The following DLGAP1 variants were observed in gnomAD, a reference collection of about 807,000 sequenced individuals.
DLGAP1 encodes DLG associated protein 1.
In DLGAP1, 11 loss-of-function variants were observed where a neutral mutation model predicts 90.8. That is an observed-to-expected ratio of 0.12 (90% CI 0.08 to 0.20). DLGAP1 has a LOEUF of 0.20. Ranked by LOEUF, DLGAP1 falls within the 10% of genes least tolerant of loss-of-function variation. The pLI, the probability that DLGAP1 is intolerant of heterozygous loss-of-function variation, is 1.00. For synonymous variants in DLGAP1, 558 were observed against 540.7 expected (o/e 1.03, Z -0.44); for missense variants, 1,050 against 1,333.8 (o/e 0.79, Z 3.31).
intron 9 of DLGAP1, among the ~76,000 whole-genome samples, chr18:3,558,933 A>C (rs1402032057): frequency 2.0e-5 from 3 of 152,356 alleles, no homozygotes; most frequent in Middle Eastern, 3.4e-3. Flanking sequence ...AACCCAAGAT[A>C]ACTTTGCCAC....
In DLGAP1 at chr18:4,245,912, G is replaced by A. The variant is rs546502283; in HGVS notation, c.-266-94625C>T. Among the ~76,000 whole-genome samples the A allele has an allele frequency of 7.2e-5, 11 of 152,308 alleles. No homozygotes were observed. The East Asian group carries it at 1.9e-3, about 27-fold the overall frequency. On this transcript the variant is annotated intron_variant, in intron 1 of 12. Transcript: ENST00000315677. The stretch of plus-strand genomic sequence containing the variant: ...GGGCCCCGACTCATCTGTTTTGCCT[G>A]TGCAAGTCTCCAAGTCATCCTCATG...
intron 2 of DLGAP1, among the ~76,000 whole-genome samples, chr18:4,051,098 T>C (rs577745787): frequency 6.6e-6 from 1 of 152,332 alleles, no homozygotes; most frequent in South Asian, 2.1e-4. Context: ...ACTGCAGTTG[T>C]TTCTTTTGGG....
chr18:3,610,518 T>C (rs1268571209), intron 7 of DLGAP1, among the ~76,000 whole-genome samples: 1 of 152,050 alleles, frequency 6.6e-6, no homozygotes, highest in Non-Finnish European at 1.5e-5. Context: ...TCCCTACTCC[T>C]CAGTAACATC....
At chr18:3,693,856 C>T (rs1464488778) in intron 7 of DLGAP1, among the ~76,000 whole-genome samples, 1 of 152,164 alleles carries the variant, frequency 6.6e-6, no homozygotes, top group East Asian at 1.9e-4. Context: ...CTGTTTGTAT[C>T]AGTGGCTGAT....
rs555638515 is a variant in DLGAP1, at chr18:4,384,516, T to C, written c.-267+70490A>G. Among the ~76,000 whole-genome samples the C allele has an allele frequency of 1.6e-4, 25 of 152,304 alleles. 1 individual carries two copies. Among genetic ancestry groups the C allele is most frequent in the African/African-American group, 5.5e-4 (23 of 41,574 alleles). ...TCAAAGGAATTTTATTTTTCATCTT[T>C]GGAAAACAGGTTGAACCTTTTAAGA... On this transcript the variant is annotated intron_variant, in intron 1 of 12. Coordinates refer to ENST00000315677, the MANE Select transcript of DLGAP1 (RefSeq NM_004746.4).
chr18:4,276,996 A>G (rs1322251365), intron 1 of DLGAP1, among the ~76,000 whole-genome samples: 2 of 152,350 alleles, frequency 1.3e-5, no homozygotes, highest in African/African-American at 4.8e-5. Context: ...TTTAATGAAT[A>G]TATTTTCTAA....
intron 4 of DLGAP1, among the ~76,000 whole-genome samples, chr18:3,867,473 T>G: frequency 1.3e-5 from 2 of 150,744 alleles, no homozygotes; most frequent in East Asian, 2.0e-4. Flanking sequence ...GTTCACGGGG[T>G]GGGGAAGGAA....
chr18:3,597,155 A>G (rs1007636790), intron 7 of DLGAP1: 3 of 515,684 alleles, frequency 5.8e-6, no homozygotes, highest in Middle Eastern at 3.2e-4. Context: ...ATTTTTCTGT[A>G]CTCTGTCTGT....
intron 10 of DLGAP1, among the ~76,000 whole-genome samples, chr18:3,521,067 C>A (rs1029767987): frequency 1.3e-5 from 2 of 152,164 alleles, no homozygotes; most frequent in African/African-American, 4.8e-5. Flanking sequence ...CACTCACTTC[C>A]CTCATTCCAC....
intron 1 of DLGAP1, among the ~76,000 whole-genome samples, chr18:4,310,477 G>A (rs559306246): frequency 1.3e-5 from 2 of 152,190 alleles, no homozygotes; most frequent in South Asian, 2.1e-4. Context: ...CTTCAAGAAG[G>A]CTGCAATCAT....
chr18:4,155,750 A>G (rs116142615), intron 1 of DLGAP1, among the ~76,000 whole-genome samples: 1,845 of 152,264 alleles, frequency 0.012, 47 homozygotes, highest in African/African-American at 0.043. Context: ...TGGAAGAAGG[A>G]GTGGATCAAG....
intron 3 of DLGAP1, among the ~76,000 whole-genome samples, chr18:3,883,977 G>T (rs1209249606): frequency 6.6e-6 from 1 of 152,206 alleles, no homozygotes; most frequent in East Asian, 1.9e-4. Context: ...CCGCCTGGAA[G>T]AGAGAGAGAA....
At chr18:4,098,709 T>G (rs746696615) in intron 2 of DLGAP1, among the ~76,000 whole-genome samples, 1 of 152,130 alleles carries the variant, frequency 6.6e-6, no homozygotes, top group East Asian at 1.9e-4. Context: ...AAGGACAAAA[T>G]AAAATGCAAT....
intron 7 of DLGAP1, among the ~76,000 whole-genome samples, chr18:3,723,128 T>C (rs889723616): frequency 6.6e-6 from 1 of 152,156 alleles, no homozygotes; most frequent in African/African-American, 2.4e-5. Flanking sequence ...GGCCAAAACA[T>C]TCCTGCAGAG....
At chr18:3,817,846 A>C (rs753495053) in intron 4 of DLGAP1, among the ~76,000 whole-genome samples, 1 of 152,184 alleles carries the variant, frequency 6.6e-6, no homozygotes, top group African/African-American at 2.4e-5. Context: ...GAAAAGATTT[A>C]GGAAAATCCA....
intron 1 of DLGAP1, among the ~76,000 whole-genome samples, chr18:4,311,300 TCTC>T (rs1377436620): frequency 6.6e-6 from 1 of 152,166 alleles, no homozygotes; most frequent in Admixed American, 6.5e-5. Flanking sequence ...ATTCATAAGA[TCTC>T]CTCATTTACT....
chr18:3,708,497 G>C (rs1229165964), intron 7 of DLGAP1: 1 of 456,572 alleles, frequency 2.2e-6, no homozygotes. Flanking sequence ...TCTTGTCAAG[G>C]CTCCCTGCAA....
intron 7 of DLGAP1, among the ~76,000 whole-genome samples, chr18:3,646,726 C>T (rs1428945848): frequency 2.0e-5 from 3 of 151,788 alleles, no homozygotes; most frequent in Non-Finnish European, 4.4e-5. Context: ...AGATTGAGAC[C>T]ATCCTGGCTA....
intron 1 of DLGAP1, among the ~76,000 whole-genome samples, chr18:4,261,418 T>C (rs2079000213): frequency 6.6e-6 from 1 of 152,186 alleles, no homozygotes; most frequent in Non-Finnish European, 1.5e-5. Context: ...TTTCCTCATA[T>C]GCTGCTGTGT....
Sources: allele counts gnomAD v4.1 joint callset (sites outside exome capture counted in the v4.1 genomes callset), GRCh38; gene constraint gnomAD v4.1.1; transcripts MANE v1.5; gene names NCBI Gene and HGNC (gene_info 2026-07-23, HGNC 2026-07-21).